The following ZNF813 variants were observed in gnomAD, a reference collection of about 807,000 sequenced individuals.
ZNF813 encodes zinc finger protein 813.
In ZNF813, 3 loss-of-function variants were observed where a neutral mutation model predicts 7.2. The ratio of observed to expected loss-of-function variants is 0.42; its 90% CI spans 0.19 to 1.08. The LOEUF is 1.08. Ranked by LOEUF, ZNF813 falls within the 50% of genes least tolerant of loss-of-function variation. The pLI is 0.30. For synonymous variants in ZNF813, 227 were observed against 256.3 expected, an observed-to-expected ratio of 0.89 and a Z score of 1.09; for missense variants, 714 against 753.3, an observed-to-expected ratio of 0.95 and a Z score of 0.61.
In ZNF813 at chr19:53,490,795, T is replaced by A. The variant is rs771086586; in HGVS notation, c.563T>A (p.Ile188Asn). 4.3e-6 allele frequency: 7 copies of A among 1,613,900 alleles called. No homozygotes were observed. In the Admixed American group the frequency reaches 1.2e-4, roughly 27 times the overall value. Reference protein sequence around the residue: ...QRISCRPKTHISNNYGNNFRN... With the variant: ...QRISCRPKTHNSNNYGNNFRN... ...ATTTCTTGTAGGCCCAAAACCCATA[T>A]TTCTAATAACTATGGGAATAATTTC... The change falls in exon 4 of 4, where the codon ATT becomes AAT. Residue 188 changes from isoleucine (I) to asparagine (N), a missense_variant. Physicochemically the swap from Ile to Asn is moderately radical, Grantham distance 149 (BLOSUM62 -3). Coordinates refer to ENST00000396403, the MANE Select transcript of ZNF813 (RefSeq NM_001004301.4).
chr19:53,475,582 C>G (rs2086378322), intron 1 of ZNF813, among the ~76,000 whole-genome samples: 1 of 152,282 alleles, frequency 6.6e-6, no homozygotes, highest in Non-Finnish European at 1.5e-5. Flanking sequence ...GGTTTGATAA[C>G]TAATGGTGCC....
At chr19:53,469,569 A>G (rs1356695553) in intron 1 of ZNF813, among the ~76,000 whole-genome samples, 1 of 152,172 alleles carries the variant, frequency 6.6e-6, no homozygotes, top group African/African-American at 2.4e-5. Flanking sequence ...TATATAAGAA[A>G]GCAGGAGGAG....
In ZNF813 at chr19:53,492,398, T is replaced by A; in HGVS notation, c.*312T>A. 1 of 481,610 alleles carries A rather than the reference T, an allele frequency of 2.1e-6. No individual in the cohort carries two copies. The highest frequency in any genetic ancestry group is 4.1e-5 in the East Asian group (1 of 24,134). 29.8% of individuals were successfully genotyped at this position (481,610 alleles called of 1,614,324 possible). On this transcript the variant is annotated 3_prime_UTR_variant, in exon 4 of 4. Transcript: ENST00000396403. Reference sequence around the variant, plus strand: ...TACAAAGGTGAAGAATATCACAGAGTTTTCAGTCACAAGTCAAACCTTGAA... The same window carrying A: ...TACAAAGGTGAAGAATATCACAGAGATTTCAGTCACAAGTCAAACCTTGAA...
Position 53,495,081 on chromosome 19 carries a change from T to A in ZNF813, c.*2995T>A, listed in dbSNP as rs929916542. On this transcript the variant is annotated 3_prime_UTR_variant, in exon 4 of 4. Coordinates refer to ENST00000396403, the MANE Select transcript of ZNF813 (RefSeq NM_001004301.4). The stretch of plus-strand genomic sequence containing the variant: ...AGAGGAATAATGAAATCATTGATGC[T>A]TTATGAAAAGATTATGGAGATGATG... 1.3e-5 allele frequency: 2 copies of A among 152,182 alleles called. No individual in the cohort carries two copies. The highest frequency in any genetic ancestry group is 4.8e-5 in the African/African-American group (2 of 41,426). 9.4% of individuals were successfully genotyped at this position (152,182 alleles called of 1,614,324 possible).
At position 53,493,861 on chromosome 19, in the gene ZNF813, G is replaced by A. The variant is rs566378347; in HGVS notation, c.*1775G>A. 1.7e-4 allele frequency: 26 copies of A among 152,394 alleles called. No homozygotes were observed. Among genetic ancestry groups the A allele is most frequent in the Admixed American group, 7.2e-4 (11 of 15,288 alleles). 9.4% of individuals were successfully genotyped at this position (152,394 alleles called of 1,614,324 possible). A position where few individuals can be genotyped will look rare whatever the true frequency, so the allele number is the denominator to read the frequency against. On this transcript the variant is annotated 3_prime_UTR_variant, in exon 4 of 4. Transcript: ENST00000396403. ...AGGGGTGAGAGCATTCTTCCATCATGTGAGATCCTACAGGAAAATCATTCC... is the reference window on the plus strand; with the variant it reads ...AGGGGTGAGAGCATTCTTCCATCATATGAGATCCTACAGGAAAATCATTCC...
chr19:53,491,008 T>G lies in ZNF813; in HGVS notation c.776T>G (p.Val259Gly). The change falls in exon 4 of 4, where the codon GTG (valine) becomes GGG (glycine). Residue 259 changes from valine to glycine, a missense_variant. Physicochemically the swap from Val to Gly is moderately radical, Grantham distance 109. This residue lies in a region of ZNF813 where 563 missense variants were observed against 554.2 expected (regional missense o/e 1.02). Coordinates refer to ENST00000396403, the MANE Select transcript of ZNF813 (RefSeq NM_001004301.4). ...GKVFNRKRNL[V>G]CHRRCHTGEK... ...GTCTTTAATCGGAAGCGAAACCTAG[T>G]GTGCCATCGTAGATGTCACACTGGG... The G allele has an allele frequency of 6.2e-7, 1 of 1,614,140 alleles. No homozygotes were observed. Among genetic ancestry groups the G allele is most frequent in the Non-Finnish European group, 8.5e-7 (1 of 1,180,018 alleles).
At chr19:53,482,613 G>A (rs1015662122) in intron 1 of ZNF813, among the ~76,000 whole-genome samples, 1 of 146,292 alleles carries the variant, frequency 6.8e-6, no homozygotes, top group African/African-American at 2.5e-5. Flanking sequence ...TGTCTCCCAT[G>A]CCCTCCCACC....
chr19:53,482,706 C>CTTT (rs1568830690), intron 1 of ZNF813, among the ~76,000 whole-genome samples: 71 of 91,452 alleles, frequency 7.8e-4, no homozygotes, highest in East Asian at 2.0e-3. Flanking sequence ...ATCAGGAATG[C>CTTT]TTTTTGTTTT....
At position 53,496,064 on chromosome 19, in the gene ZNF813, A is replaced by G. The variant is rs2086486350; in HGVS notation, c.*3978A>G. The G allele has an allele frequency of 3.2e-6, 1 of 311,834 alleles. No homozygotes were observed. The allele number at this position is 311,834 out of a possible 1,614,324, so 19.3% of individuals were successfully genotyped here. On this transcript the variant is annotated 3_prime_UTR_variant, in exon 4 of 4. Coordinates refer to ENST00000396403, the MANE Select transcript of ZNF813 (RefSeq NM_001004301.4). ...GAATTGCACGTGAGATGGCACACAT[A>G]TTTATGCTGTGTGAGCATTACAATC...
chr19:53,492,917 C>T lies in ZNF813; in HGVS notation c.*831C>T. Reference sequence around the variant, plus strand: ...CAAAGCCTTTACTTCACGTTCACACCTCCTTAGACATCAGAGAATGCACAC... The same window carrying T: ...CAAAGCCTTTACTTCACGTTCACACTTCCTTAGACATCAGAGAATGCACAC... On this transcript the variant is annotated 3_prime_UTR_variant, in exon 4 of 4. Coordinates refer to ENST00000396403, the MANE Select transcript of ZNF813 (RefSeq NM_001004301.4). 1 of 483,406 alleles carries T rather than the reference C, an allele frequency of 2.1e-6. No homozygotes were observed. The highest frequency in any genetic ancestry group is 4.2e-6 in the Non-Finnish European group (1 of 235,584). The allele number at this position is 483,406 out of a possible 1,614,324, so 29.9% of individuals were successfully genotyped here.
At chr19:53,487,483 G>A (rs1292851106) in intron 3 of ZNF813, among the ~76,000 whole-genome samples, 2 of 152,022 alleles carry the variant, frequency 1.3e-5, no homozygotes, top group African/African-American at 2.4e-5. Context: ...TTGGGTCACC[G>A]CAACTGGCTC....
chr19:53,486,630 A>G lies in ZNF813; in HGVS notation c.16-2A>G, dbSNP rs2086435366. 6.2e-7 allele frequency: 1 copy of G among 1,614,066 alleles called. No homozygotes were observed. Among genetic ancestry groups the G allele is most frequent in the Non-Finnish European group, 8.5e-7 (1 of 1,179,936 alleles). On this transcript the variant is annotated splice_acceptor_variant, in intron 2 of 3. Transcript: ENST00000396403. LOFTEE classifies it high-confidence loss of function. ...TTTCCTTAAAATGTGTTTTCATTTC[A>G]GGGTCTATTGACATTCAGGGATGTG...
At chr19:53,481,927 A>G (rs761895083) in intron 1 of ZNF813, among the ~76,000 whole-genome samples, 1 of 152,120 alleles carries the variant, frequency 6.6e-6, no homozygotes, top group South Asian at 2.1e-4. Context: ...CCAGGCCCCA[A>G]TGTAAGAAGA....
rs1032911995 is a variant in ZNF813 at position 53,485,585 on chromosome 19, C to T, written c.16-1047C>T. Among the ~76,000 whole-genome samples the T allele has an allele frequency of 1.6e-4, 8 of 49,298 alleles. No homozygotes were observed. In the East Asian group the frequency reaches 2.4e-3, roughly 15 times the overall value. 32.3% of individuals were successfully genotyped at this position (49,298 alleles called of 152,430 possible). A position where few individuals can be genotyped will look rare whatever the true frequency, so the allele number is the denominator to read the frequency against. On this transcript the variant is annotated intron_variant, in intron 2 of 3. Transcript: ENST00000396403. ...TGACATATATACATGTATGTCATGA[C>T]ATATGTATGTCATGATATATATCGT...
intron 1 of ZNF813, among the ~76,000 whole-genome samples, chr19:53,482,572 C>T (rs1410350897): frequency 2.6e-5 from 4 of 152,128 alleles, no homozygotes; most frequent in Non-Finnish European, 4.4e-5. Flanking sequence ...GGCACTGTCC[C>T]TTTCTCCTCC....
chr19:53,479,377 G>T (rs2086396759), intron 1 of ZNF813: 1 of 1,590,828 alleles, frequency 6.3e-7, no homozygotes, highest in African/African-American at 1.3e-5. Context: ...CATCGAGGCA[G>T]TGAAGCGCAA....
intron 2 of ZNF813, 61 bp downstream of exon 2, chr19:53,483,898 G>A (rs2086421041): frequency 6.2e-7 from 1 of 1,613,398 alleles, no homozygotes; most frequent in Non-Finnish European, 8.5e-7. Context: ...CTGGGCCTTG[G>A]AGTTGGGAAT....
At chr19:53,470,366 T>A (rs79199394) in intron 1 of ZNF813, among the ~76,000 whole-genome samples, 16,115 of 88,438 alleles carry the variant, frequency 0.18, 768 homozygotes, top group African/African-American at 0.25. Context: ...GAATGCATAT[T>A]TTTTTTTTAA....
intron 3 of ZNF813, among the ~76,000 whole-genome samples, chr19:53,489,296 C>T (rs62115426): frequency 0.27 from 40,656 of 151,874 alleles, 6,388 homozygotes; most frequent in African/African-American, 0.45. Flanking sequence ...CATAAGCCAC[C>T]GTGCCTGGCA....
Sources: allele counts gnomAD v4.1 joint callset (sites outside exome capture counted in the v4.1 genomes callset), GRCh38; gene constraint gnomAD v4.1.1; regional missense constraint gnomAD v4.1.1; transcripts MANE v1.5; gene names NCBI Gene and HGNC (gene_info 2026-07-23, HGNC 2026-07-21).